Variants in MAPK10 observed in about 807,000 individuals in gnomAD.
The protein encoded by MAPK10 is mitogen-activated protein kinase 10.
Under a neutral mutation model 59.3 loss-of-function variants are expected in MAPK10, and 25 were observed. The ratio of observed to expected loss-of-function variants is 0.42; its 90% CI spans 0.31 to 0.59. MAPK10 has a LOEUF of 0.59. Among genes scored for constraint, MAPK10 ranks in the 20% least tolerant of loss-of-function variants. The probability of loss-of-function intolerance (pLI) is 0.15; values close to 1 mark genes in which losing one functional copy is unlikely to be tolerated. For synonymous variants in MAPK10, 190 were observed against 200.5 expected (o/e 0.95, Z 0.44); for missense variants, 351 against 568.9 (o/e 0.62, Z 3.90).
At chr4:86,025,001 TC>T (rs1289360992) in intron 13 of MAPK10, 14 of 152,502 alleles carry the variant, frequency 9.2e-5, no homozygotes, top group African/African-American at 3.4e-4. Flanking sequence ...TTGTAAAAGT[TC>T]CCATGACATC....
At chr4:86,118,784 T>G (rs1048179361) in intron 4 of MAPK10, among the ~76,000 whole-genome samples, 1 of 152,228 alleles carries the variant, frequency 6.6e-6, no homozygotes, top group East Asian at 1.9e-4. Context: ...GTAATCATAT[T>G]AAATATTTGT....
intron 1 of MAPK10, among the ~76,000 whole-genome samples, chr4:86,472,598 C>T (rs1752747810): frequency 6.6e-6 from 1 of 151,930 alleles, no homozygotes; most frequent in Non-Finnish European, 1.5e-5. Flanking sequence ...GAGCTGTGAT[C>T]ACACCACTGC....
At chr4:86,298,048 G>A (rs1279129709) in intron 2 of MAPK10, among the ~76,000 whole-genome samples, 3 of 152,038 alleles carry the variant, frequency 2.0e-5, no homozygotes, top group Non-Finnish European at 4.4e-5. Context: ...TCTGCCTGAC[G>A]TGCTGCTCCA....
intron 1 of MAPK10, among the ~76,000 whole-genome samples, chr4:86,442,633 G>A (rs1749540723): frequency 6.6e-6 from 1 of 152,114 alleles, no homozygotes; most frequent in Admixed American, 6.5e-5. Context: ...ACTTACACAT[G>A]TATGTATCCA....
chr4:86,285,131 A>G (rs1027123368), intron 2 of MAPK10, among the ~76,000 whole-genome samples: 2 of 152,282 alleles, frequency 1.3e-5, no homozygotes, highest in African/African-American at 4.8e-5. Context: ...AATGCAGTAG[A>G]GTAGACCAGT....
chr4:86,485,686 T>C (rs1207474349), intron 1 of MAPK10, among the ~76,000 whole-genome samples: 1 of 152,210 alleles, frequency 6.6e-6, no homozygotes, highest in Non-Finnish European at 1.5e-5. Context: ...ATTGCAAAAT[T>C]CATTTGTTGA....
rs191434157 is a variant in MAPK10 at position 86,245,620 on chromosome 4, C to T, written c.-6-51213G>A. Among the ~76,000 whole-genome samples, 457 of 152,230 alleles carry T rather than the reference C, an allele frequency of 3.0e-3. 1 individual carries two copies. The highest frequency in any genetic ancestry group is 5.0e-3 in the Non-Finnish European group (343 of 68,018). On this transcript the variant is annotated intron_variant, in intron 2 of 13. Coordinates refer to ENST00000641462, the MANE Select transcript of MAPK10 (RefSeq NM_138982.4). ...AAGCGGTGGGATTTTAGGTGTAAGCCACTGTGGCAGGCCCACAGTGCCAAT... is the reference window on the plus strand; with the variant it reads ...AAGCGGTGGGATTTTAGGTGTAAGCTACTGTGGCAGGCCCACAGTGCCAAT...
intron 2 of MAPK10, among the ~76,000 whole-genome samples, chr4:86,325,260 T>C (rs1699668451): frequency 6.6e-6 from 1 of 152,202 alleles, no homozygotes; most frequent in Non-Finnish European, 1.5e-5. Flanking sequence ...TAAGAGTTAG[T>C]ACTTACTGAC....
chr4:86,119,641 G>A (rs2149109953), intron 4 of MAPK10: 1 of 151,600 alleles, frequency 6.6e-6, no homozygotes, highest in East Asian at 1.9e-4. Context: ...GTATCCAAGG[G>A]CAATGGTGTA....
intron 2 of MAPK10, among the ~76,000 whole-genome samples, chr4:86,255,953 A>C (rs1450353036): frequency 6.6e-6 from 1 of 152,208 alleles, no homozygotes; most frequent in Non-Finnish European, 1.5e-5. Context: ...AAATATAATT[A>C]TTCAATTAAA....
intron 1 of MAPK10, among the ~76,000 whole-genome samples, chr4:86,387,196 C>T (rs893863291): frequency 4.6e-5 from 7 of 152,118 alleles, no homozygotes; most frequent in Admixed American, 1.3e-4. Flanking sequence ...GGTCACGTTA[C>T]GGCTGGTTGT....
At chr4:86,170,169 C>T (rs1450559851) in intron 3 of MAPK10, among the ~76,000 whole-genome samples, 1 of 151,114 alleles carries the variant, frequency 6.6e-6, no homozygotes, top group African/African-American at 2.4e-5. Context: ...GCAAAATAAC[C>T]AGCTAACATC....
At chr4:86,524,522 T>C (rs1226640678) in intron 1 of MAPK10, among the ~76,000 whole-genome samples, 1 of 152,198 alleles carries the variant, frequency 6.6e-6, no homozygotes, top group Admixed American at 6.5e-5. Flanking sequence ...AGTAGTCTCC[T>C]AGTTATCTCC....
At chr4:86,430,523 CGA>C (rs1564853998) in intron 1 of MAPK10, among the ~76,000 whole-genome samples, 1 of 151,846 alleles carries the variant, frequency 6.6e-6, no homozygotes, top group Non-Finnish European at 1.5e-5. Context: ...CAGGAGATAC[CGA>C]TATTTAAATA....
intron 9 of MAPK10, among the ~76,000 whole-genome samples, chr4:86,087,112 A>G (rs920820455): frequency 6.6e-6 from 1 of 152,190 alleles, no homozygotes; most frequent in Non-Finnish European, 1.5e-5. Context: ...AAAATGACAC[A>G]CGAGCAACTT....
At chr4:86,065,395 G>A (rs2046544208) in intron 10 of MAPK10, 1 of 152,106 alleles carries the variant, frequency 6.6e-6, no homozygotes, top group South Asian at 2.1e-4. Context: ...AGACACTAAT[G>A]AGAAACTCTA....
intron 9 of MAPK10, chr4:86,091,133 G>A (rs2053048518): frequency 6.6e-6 from 1 of 151,142 alleles, no homozygotes; most frequent in African/African-American, 2.4e-5. Context: ...ACAACTGCCT[G>A]GTACATAGCA....
chr4:86,577,931 G>A (rs941141690), intron 1 of MAPK10, among the ~76,000 whole-genome samples: 22 of 152,038 alleles, frequency 1.4e-4, no homozygotes, highest in African/African-American at 4.6e-4. Flanking sequence ...TACTATCCAT[G>A]TAATCCTGAT....
chr4:86,067,308 A>AT (rs1223816104), intron 10 of MAPK10, among the ~76,000 whole-genome samples: 3 of 151,764 alleles, frequency 2.0e-5, no homozygotes, highest in Non-Finnish European at 2.9e-5. Flanking sequence ...TGCCCAGCTA[A>AT]TTTTTTTATA....
Sources: allele counts gnomAD v4.1 joint callset (sites outside exome capture counted in the v4.1 genomes callset), GRCh38; gene constraint gnomAD v4.1.1; transcripts MANE v1.5; gene names NCBI Gene and HGNC (gene_info 2026-07-23, HGNC 2026-07-21).